Variants in EPHB1 observed in about 807,000 individuals in gnomAD.
EPHB1 encodes ephrin type-B receptor 1.
A neutral mutation model predicts 94.4 loss-of-function variants in EPHB1; 30 were observed. The ratio of observed to expected loss-of-function variants is 0.32; its 90% CI spans 0.24 to 0.43. EPHB1 has a LOEUF of 0.43. Among genes scored for constraint, EPHB1 ranks in the 20% least tolerant of loss-of-function variants. The pLI is 1.00. For missense variants in EPHB1, 1,055 were observed against 1,308.3 expected, an observed-to-expected ratio of 0.81 and a Z score of 2.99; for synonymous variants, 522 against 489.1, an observed-to-expected ratio of 1.07 and a Z score of -0.89.
chr3:134,842,903 G>A (rs1467630157), intron 1 of EPHB1, among the ~76,000 whole-genome samples: 3 of 152,200 alleles, frequency 2.0e-5, no homozygotes, highest in Admixed American at 6.5e-5. Flanking sequence ...ACAATACGGT[G>A]TTATTAGTTT....
chr3:135,067,062 G>A (rs577688091), intron 3 of EPHB1, among the ~76,000 whole-genome samples: 6 of 152,302 alleles, frequency 3.9e-5, no homozygotes, highest in East Asian at 1.9e-4. Context: ...TCTCTCAGCC[G>A]TGGATACCAG....
At chr3:135,036,593 C>T (rs1936656085) in intron 3 of EPHB1, among the ~76,000 whole-genome samples, 1 of 152,202 alleles carries the variant, frequency 6.6e-6, no homozygotes, top group Admixed American at 6.5e-5. Context: ...TGTGGAGGGT[C>T]CTCCTAACTC....
intron 1 of EPHB1, among the ~76,000 whole-genome samples, chr3:134,803,162 T>C (rs896740896): frequency 2.0e-5 from 3 of 152,164 alleles, no homozygotes; most frequent in East Asian, 3.9e-4. Context: ...TTTCTGAGAA[T>C]TACCAGGACT....
At chr3:135,183,170 G>A (rs1200028768) in intron 10 of EPHB1, among the ~76,000 whole-genome samples, 1 of 146,634 alleles carries the variant, frequency 6.8e-6, no homozygotes, top group Non-Finnish European at 1.5e-5. Context: ...TACAAATCAT[G>A]AGCCCCTTCT....
At chr3:135,079,166 T>G (rs1248710940) in intron 3 of EPHB1, among the ~76,000 whole-genome samples, 1 of 151,922 alleles carries the variant, frequency 6.6e-6, no homozygotes, top group Non-Finnish European at 1.5e-5. Context: ...TGATCGCATC[T>G]TCTCAGAGGA....
intron 1 of EPHB1, among the ~76,000 whole-genome samples, chr3:134,864,705 G>A (rs2037336787): frequency 6.6e-6 from 1 of 152,360 alleles, no homozygotes; most frequent in Non-Finnish European, 1.5e-5. Flanking sequence ...ATTGCGGCAA[G>A]TGGGAGACAA....
At chr3:134,897,322 T>C (rs562017911) in intron 1 of EPHB1, among the ~76,000 whole-genome samples, 227 of 152,202 alleles carry the variant, frequency 1.5e-3, no homozygotes, top group African/African-American at 5.3e-3. Context: ...GGCAATGTCA[T>C]TCTTGGGTCA....
chr3:135,178,273 T>C (rs546952842), intron 9 of EPHB1, among the ~76,000 whole-genome samples: 44 of 150,732 alleles, frequency 2.9e-4, no homozygotes, highest in South Asian at 6.3e-4. Flanking sequence ...CTGGCCAAGA[T>C]GGTGGAACCC....
At chr3:135,043,656 C>G (rs898497461) in intron 3 of EPHB1, among the ~76,000 whole-genome samples, 9 of 152,212 alleles carry the variant, frequency 5.9e-5, no homozygotes, top group African/African-American at 2.2e-4. Flanking sequence ...GCACCTGGTG[C>G]TCCCTCCACA....
intron 3 of EPHB1, among the ~76,000 whole-genome samples, chr3:135,066,637 C>T (rs1049503251): frequency 7.2e-5 from 11 of 152,242 alleles, no homozygotes; most frequent in African/African-American, 2.4e-4. Context: ...CACTGGGCCT[C>T]GCCTTTCTCT....
At chr3:135,123,307 A>G (rs746391500) in intron 4 of EPHB1, among the ~76,000 whole-genome samples, 7 of 152,152 alleles carry the variant, frequency 4.6e-5, no homozygotes, top group Non-Finnish European at 7.4e-5. Flanking sequence ...TCCACAAAAT[A>G]CCTAAGACAG....
intron 12 of EPHB1, among the ~76,000 whole-genome samples, chr3:135,229,734 T>G (rs1480130599): frequency 6.6e-6 from 1 of 152,120 alleles, no homozygotes; most frequent in Non-Finnish European, 1.5e-5. Flanking sequence ...AGACAGAGCA[T>G]CCACTGGAAT....
chr3:135,037,397 A>G (rs1267684605), intron 3 of EPHB1, among the ~76,000 whole-genome samples: 9 of 152,246 alleles, frequency 5.9e-5, no homozygotes, highest in African/African-American at 1.9e-4. Flanking sequence ...TGCTTTGTAC[A>G]GGAAAGCACT....
Position 134,844,535 on chromosome 3 carries a change from C to G in EPHB1, c.58+48846C>G, listed in dbSNP as rs181625314. Among the ~76,000 whole-genome samples, 3 of 152,156 alleles carry G rather than the reference C, an allele frequency of 2.0e-5. No individual in the cohort carries two copies. In the East Asian group the frequency reaches 5.8e-4, roughly 29 times the overall value. ...ACATCACTTCTACTGATACTGCTGC[C>G]GGATATGGCATAACCAACCACTCCA... On this transcript the variant is annotated intron_variant, in intron 1 of 15. Coordinates refer to ENST00000398015, the MANE Select transcript of EPHB1 (RefSeq NM_004441.5).
chr3:135,042,649 G>T (rs1576340360), intron 3 of EPHB1, among the ~76,000 whole-genome samples: 2 of 152,234 alleles, frequency 1.3e-5, no homozygotes. Flanking sequence ...TTGCAAGGCA[G>T]CCTTCACTGG....
chr3:135,205,777 T>G (rs908655404), intron 12 of EPHB1, among the ~76,000 whole-genome samples: 3 of 152,212 alleles, frequency 2.0e-5, no homozygotes, highest in Admixed American at 2.0e-4. Flanking sequence ...ATCTATTGTT[T>G]TGATGTATTT....
rs563734006 is a variant in EPHB1, at chr3:134,898,188, C to T, written c.59-27628C>T. Among the ~76,000 whole-genome samples the T allele has an allele frequency of 1.2e-4, 19 of 152,132 alleles. No homozygotes were observed. In the South Asian group the frequency reaches 1.5e-3, roughly 12 times the overall value. ...TGGGCCAAGCGTTTTGTGATCCCAG[C>T]GAATCAACTTCATGGCCAGCCTCCT... On this transcript the variant is annotated intron_variant, in intron 1 of 15. Coordinates refer to ENST00000398015, the MANE Select transcript of EPHB1 (RefSeq NM_004441.5).
intron 1 of EPHB1, among the ~76,000 whole-genome samples, chr3:134,798,409 A>C (rs1279275578): frequency 1.3e-5 from 2 of 152,114 alleles, no homozygotes; most frequent in African/African-American, 4.8e-5. Flanking sequence ...AAATTCTCAT[A>C]ATCAGGCAGG....
chr3:134,826,535 C>A (rs1186102688), intron 1 of EPHB1, among the ~76,000 whole-genome samples: 1 of 152,104 alleles, frequency 6.6e-6, no homozygotes, highest in Non-Finnish European at 1.5e-5. Flanking sequence ...ATTTCTTCAC[C>A]ATTCCTGTTT....
Sources: allele counts gnomAD v4.1 joint callset (sites outside exome capture counted in the v4.1 genomes callset), GRCh38; gene constraint gnomAD v4.1.1; transcripts MANE v1.5; gene names NCBI Gene and HGNC (gene_info 2026-07-23, HGNC 2026-07-21).